The following TYRO3 variants were observed in gnomAD, a reference collection of about 807,000 sequenced individuals.
TYRO3 encodes tyrosine-protein kinase receptor TYRO3.
TYRO3 carries 38 observed loss-of-function variants against 95.2 expected under a neutral mutation model. That is an observed-to-expected ratio of 0.40 (90% CI 0.31 to 0.52). The LOEUF (loss-of-function observed/expected upper bound fraction) is 0.52, where lower values mean the gene tolerates loss of function less well. TYRO3 is among the 20% of genes least tolerant of loss of function. TYRO3 has a pLI of 0.56. For synonymous variants in TYRO3, 367 were observed against 432.9 expected (o/e 0.85, Z 1.89); for missense variants, 812 against 1,116.4 (o/e 0.73, Z 3.89).
rs2055909846 is a variant in TYRO3, at chr15:41,580,392, C to T, written c.*2116C>T. 6.6e-6 allele frequency: 1 copy of T among 151,804 alleles called. No individual in the cohort carries two copies. The highest frequency in any genetic ancestry group is 1.5e-5 in the Non-Finnish European group (1 of 67,962). The allele number at this position is 151,804 out of a possible 1,614,324, so 9.4% of individuals were successfully genotyped here. A position where few individuals can be genotyped will look rare whatever the true frequency, so the allele number is the denominator to read the frequency against. ...GGCATGGTGGCGCGTGTCTGTAATCCCAGCTACTCAGGACACTGAGGCAGG... is the reference window on the plus strand; with the variant it reads ...GGCATGGTGGCGCGTGTCTGTAATCTCAGCTACTCAGGACACTGAGGCAGG... On this transcript the variant is annotated 3_prime_UTR_variant, in exon 19 of 19. Coordinates refer to ENST00000263798, the MANE Select transcript of TYRO3 (RefSeq NM_006293.4).
rs1199597903 is a variant in TYRO3, at chr15:41,559,506, C to T, written c.124+125C>T. The T allele has an allele frequency of 1.8e-5, 5 of 274,310 alleles. No individual in the cohort carries two copies. The East Asian group carries it at 2.6e-4, about 14-fold the overall frequency. 17.0% of individuals were successfully genotyped at this position (274,310 alleles called of 1,614,324 possible). ...GGGGGTCCGGAGCCGAAGGCCGAGGCTCGGAGCCGGGACAGGGCACGCTGC... is the reference window on the plus strand; with the variant it reads ...GGGGGTCCGGAGCCGAAGGCCGAGGTTCGGAGCCGGGACAGGGCACGCTGC... On this transcript the variant is annotated intron_variant, in intron 1 of 18. Transcript: ENST00000263798.
Position 41,562,538 on chromosome 15 carries a change from TCTCTC to T in TYRO3, c.410-7_410-3del. The T allele has an allele frequency of 6.9e-7, 1 of 1,458,636 alleles. No individual in the cohort carries two copies. Among genetic ancestry groups the T allele is most frequent in the Non-Finnish European group, 9.3e-7 (1 of 1,070,712 alleles). The allele number at this position is 1,458,636 out of a possible 1,614,324, so 90.4% of individuals were successfully genotyped here. ...GGCAGGGCTCACTCCTCACTCCCCTTCTCTCCTAGGTGTGCCATTTTTCACAGTGG... is the reference window on the plus strand; with the variant it reads ...GGCAGGGCTCACTCCTCACTCCCCTTCTAGGTGTGCCATTTTTCACAGTGG... On this transcript the variant is annotated splice_region_variant and splice_polypyrimidine_tract_variant and intron_variant, in intron 3 of 18. Coordinates refer to ENST00000263798, the MANE Select transcript of TYRO3 (RefSeq NM_006293.4).
At position 41,572,985 on chromosome 15, in the gene TYRO3, G is replaced by A. The variant is rs1460590038; in HGVS notation, c.1876-17G>A. 1 of 936,026 alleles carries A rather than the reference G, an allele frequency of 1.1e-6. No individual in the cohort carries two copies. The highest frequency in any genetic ancestry group is 1.6e-6 in the Non-Finnish European group (1 of 619,184). 58.0% of individuals were successfully genotyped at this position (936,026 alleles called of 1,614,324 possible). A position where few individuals can be genotyped will look rare whatever the true frequency, so the allele number is the denominator to read the frequency against. On this transcript the variant is annotated splice_polypyrimidine_tract_variant and intron_variant, in intron 15 of 18. Transcript: ENST00000263798. ...GGTGGGCAGGTTAAGCCTGAGCTTG[G>A]CCTGTCTGTCCACTAGAACCTACCC... is the stretch of plus-strand genomic sequence containing the variant.
intron 6 of TYRO3, 41 bp from the exon 7 acceptor site, chr15:41,567,319 C>G: frequency 7.0e-7 from 1 of 1,432,336 alleles, no homozygotes; most frequent in Non-Finnish European, 9.1e-7. Context: ...CCATCTCTCA[C>G]AGGCTCTCCC....
rs199655798 is a variant in TYRO3, at chr15:41,570,358, G to A, written c.1483+18G>A. ...GGCCACATGTGAGTGGTGGGTGATC[G>A]TGGGAAGGACAAATGGGCTGTCTTG... On this transcript the variant is annotated intron_variant, in intron 11 of 18. Transcript: ENST00000263798. 255 of 996,378 alleles carry A rather than the reference G, an allele frequency of 2.6e-4. No homozygotes were observed. The African/African-American group carries it at 3.1e-3, about 12-fold the overall frequency. The allele number at this position is 996,378 out of a possible 1,614,324, so 61.7% of individuals were successfully genotyped here. A position where few individuals can be genotyped will look rare whatever the true frequency, so the allele number is the denominator to read the frequency against.
intron 18 of TYRO3, among the ~76,000 whole-genome samples, chr15:41,575,660 A>G (rs527254213): frequency 2.0e-5 from 3 of 152,340 alleles, no homozygotes; most frequent in Admixed American, 2.0e-4. Context: ...TGTCATGGGC[A>G]TAGGCAAGAG....
At chr15:41,575,852 C>T (rs1052986188) in intron 18 of TYRO3, among the ~76,000 whole-genome samples, 3 of 152,094 alleles carry the variant, frequency 2.0e-5, no homozygotes, top group Non-Finnish European at 2.9e-5. Context: ...CGGTGGCTCA[C>T]GCCCGTAATC....
Position 41,578,021 on chromosome 15 carries a change from C to T in TYRO3, c.2418C>T (p.Asn806=), listed in dbSNP as rs766344763. Residue 806 remains asparagine, a synonymous_variant, in exon 19 of 19, where the codon AAC becomes AAT. Coordinates refer to ENST00000263798, the MANE Select transcript of TYRO3 (RefSeq NM_006293.4). ...CCAGCCAGGACCCCTTATACATCAA[C>T]ATCGAGAGAGCTGAGGAGCCCACTG... ...LSASQDPLYI[N]IERAEEPTAG... 11 of 1,614,008 alleles carry T rather than the reference C, an allele frequency of 6.8e-6. No homozygotes were observed. The highest frequency in any genetic ancestry group is 9.3e-6 in the Non-Finnish European group (11 of 1,180,054).
intron 3 of TYRO3, 81 bp from the exon 4 acceptor site, chr15:41,562,467 C>T: frequency 6.6e-7 from 1 of 1,509,732 alleles, no homozygotes; most frequent in Non-Finnish European, 9.0e-7. Flanking sequence ...TGGAGGACTT[C>T]AGATGTAAAC....
chr15:41,559,239 T>C lies in TYRO3; in HGVS notation c.-19T>C. On this transcript the variant is annotated 5_prime_UTR_variant, in exon 1 of 19. The change abolishes an upstream ATG in the 5' untranslated region. Coordinates refer to ENST00000263798, the MANE Select transcript of TYRO3 (RefSeq NM_006293.4). ...CCTCGCTCGCGGGCCGGGCCCGGCA[T>C]GGTGCGGCGTCGCCGCCGATGGCGC... 9.0e-6 allele frequency: 3 copies of C among 334,842 alleles called. No homozygotes were observed. Among genetic ancestry groups the C allele is most frequent in the South Asian group, 1.4e-4 (1 of 6,984 alleles). 20.7% of individuals were successfully genotyped at this position (334,842 alleles called of 1,614,324 possible). A position where few individuals can be genotyped will look rare whatever the true frequency, so the allele number is the denominator to read the frequency against.
At chr15:41,561,711 G>A (rs1450673144) in intron 3 of TYRO3, 72 bp downstream of exon 3, 5 of 1,197,610 alleles carry the variant, frequency 4.2e-6, no homozygotes, top group Non-Finnish European at 5.9e-6. Context: ...TACCTCTGCA[G>A]CGGAGAACTC....
chr15:41,571,744 A>G, intron 14 of TYRO3, 57 bp downstream of exon 14: 1 of 837,498 alleles, frequency 1.2e-6, no homozygotes, highest in Non-Finnish European at 2.0e-6. Context: ...ATGCTCTACC[A>G]ATATGAGATG....
intron 6 of TYRO3, among the ~76,000 whole-genome samples, chr15:41,566,502 G>C (rs2055726832): frequency 6.6e-6 from 1 of 152,118 alleles, no homozygotes; most frequent in African/African-American, 2.4e-5. Flanking sequence ...TAATGGTTCT[G>C]AGTCTGCTTC....
rs572730607 is a variant in TYRO3, at chr15:41,578,193, G to T, written c.2590G>T (p.Glu864Ter). ...GGLAEQPGQA[E>*]HQPESPLNET... ...GCTGGCTGAGCAGCCAGGGCAGGCA[G>T]AGCACCAGCCAGAGAGTCCCCTCAA... Residue 864 changes from glutamate (E) to a stop codon, truncating the protein, a stop_gained, in exon 19 of 19, where the codon GAG (glutamate) becomes TAG (stop). Transcript: ENST00000263798. LOFTEE classifies it high-confidence loss of function. The T allele has an allele frequency of 1.2e-6, 2 of 1,613,882 alleles. No homozygotes were observed. Among genetic ancestry groups the T allele is most frequent in the Non-Finnish European group, 1.7e-6 (2 of 1,180,046 alleles).
At chr15:41,574,318 T>C (rs898403734) in intron 18 of TYRO3, among the ~76,000 whole-genome samples, 1 of 152,188 alleles carries the variant, frequency 6.6e-6, no homozygotes, top group African/African-American at 2.4e-5. Flanking sequence ...CCTCCTCTTC[T>C]TTCTGCAAGC....
At position 41,578,154 on chromosome 15, in the gene TYRO3, C is replaced by A. The variant is rs1270306588; in HGVS notation, c.2551C>A (p.Leu851Ile). ...GGTPSDCRYI[L>I]TPGGLAEQPG... ...CACTCCCAGTGACTGTCGGTACATA[C>A]TCACCCCCGGAGGGCTGGCTGAGCA... is the stretch of plus-strand genomic sequence containing the variant. Residue 851 changes from leucine to isoleucine, a missense_variant, in exon 19 of 19, where the codon CTC becomes ATC. Transcript: ENST00000263798. 1.2e-6 allele frequency: 2 copies of A among 1,613,954 alleles called. No homozygotes were observed. The highest frequency in any genetic ancestry group is 1.7e-6 in the Non-Finnish European group (2 of 1,180,030).
At position 41,573,557 on chromosome 15, in the gene TYRO3, G is replaced by C; in HGVS notation, c.2145+90G>C. Reference sequence around the variant, plus strand: ...AGGGCCTAGCCAAGTCTGCTCTCTGGGGTTTGGTTGCCCCCTGATGAGGCC... The same window carrying C: ...AGGGCCTAGCCAAGTCTGCTCTCTGCGGTTTGGTTGCCCCCTGATGAGGCC... On this transcript the variant is annotated intron_variant, in intron 17 of 18. Coordinates refer to ENST00000263798, the MANE Select transcript of TYRO3 (RefSeq NM_006293.4). 1.9e-6 allele frequency: 3 copies of C among 1,565,496 alleles called. No individual in the cohort carries two copies. In the South Asian group the frequency reaches 3.4e-5, roughly 18 times the overall value.
chr15:41,571,125 G>A lies in TYRO3; in HGVS notation c.1660+7G>A, dbSNP rs1321957561. 7.9e-7 allele frequency: 1 copy of A among 1,265,280 alleles called. No homozygotes were observed. Among genetic ancestry groups the A allele is most frequent in the Non-Finnish European group, 1.2e-6 (1 of 864,036 alleles). The allele number at this position is 1,265,280 out of a possible 1,614,324, so 78.4% of individuals were successfully genotyped here. The stretch of plus-strand genomic sequence containing the variant: ...GCTGTGAAGATGCTGAAAGGTGAGT[G>A]GGGGATAGCTGTAGCCTGAGGGCAT... On this transcript the variant is annotated splice_region_variant and intron_variant, in intron 13 of 18. Transcript: ENST00000263798.
At chr15:41,576,666 T>TC (rs2055864261) in intron 18 of TYRO3, among the ~76,000 whole-genome samples, 1 of 129,602 alleles carries the variant, frequency 7.7e-6, no homozygotes, top group Non-Finnish European at 1.6e-5. Context: ...TTTTTTTTTT[T>TC]TTTAAAAAAA....
Sources: gnomAD v4.1 joint callset for allele counts (sites outside exome capture counted in the v4.1 genomes callset) on GRCh38, gnomAD v4.1.1 for gene constraint, MANE v1.5 for transcripts, NCBI Gene and HGNC (gene_info 2026-07-23, HGNC 2026-07-21) for gene names.